GRIN2B: variants seen among roughly 807,000 people sequenced by gnomAD.
The protein encoded by GRIN2B is glutamate receptor ionotropic, NMDA 2B.
Under a neutral mutation model 114.5 loss-of-function variants are expected in GRIN2B, and 5 were observed. The observed-to-expected ratio is 0.04, with a 90% CI of 0.02 to 0.09. The LOEUF is 0.09. GRIN2B is among the 10% of genes least tolerant of loss of function. The probability of loss-of-function intolerance (pLI) is 1.00; values close to 1 mark genes in which losing one functional copy is unlikely to be tolerated. For missense variants in GRIN2B, 1,108 were observed against 1,943.5 expected (o/e 0.57, Z 8.08); for synonymous variants, 787 against 745.1 (o/e 1.06, Z -0.92).
chr12:13,797,687 G>C (rs1864440997), intron 3 of GRIN2B, among the ~76,000 whole-genome samples: 1 of 152,172 alleles, frequency 6.6e-6, no homozygotes, highest in Non-Finnish European at 1.5e-5. Context: ...AATTCAGCAA[G>C]AGTTTCATGA....
chr12:13,923,097 T>C (rs867980660), intron 2 of GRIN2B, among the ~76,000 whole-genome samples: 3 of 152,150 alleles, frequency 2.0e-5, no homozygotes, highest in African/African-American at 7.2e-5. Flanking sequence ...TCTTTTTTTT[T>C]CCTGAAATTA....
rs374699448 is a variant in GRIN2B, at chr12:13,953,613, G to A, written c.-19+26315C>T. ...GAGATGGTGGGGGTGCTGGAGAGAG[G>A]AGAAGCTACAATATATCTCCCCCTT... On this transcript the variant is annotated intron_variant, in intron 2 of 13. Coordinates refer to ENST00000609686, the MANE Select transcript of GRIN2B (RefSeq NM_000834.5). Among the ~76,000 whole-genome samples the A allele has an allele frequency of 2.1e-4, 32 of 152,288 alleles. No individual in the cohort carries two copies. In the East Asian group the frequency reaches 5.8e-3, roughly 28 times the overall value.
intron 3 of GRIN2B, among the ~76,000 whole-genome samples, chr12:13,853,949 T>G (rs551895409): frequency 2.6e-5 from 4 of 152,364 alleles, no homozygotes; most frequent in South Asian, 2.1e-4. Flanking sequence ...ACCTAGTCCT[T>G]GCCCTTGCAA....
intron 10 of GRIN2B, among the ~76,000 whole-genome samples, chr12:13,596,029 G>GAA (rs552457574): frequency 3.7e-4 from 50 of 136,982 alleles, no homozygotes; most frequent in Non-Finnish European, 7.0e-4. Context: ...TTTTCTGTAA[G>GAA]AAAAAAAAAA....
chr12:13,558,795 A>G lies in GRIN2B; in HGVS notation c.*3988T>C, dbSNP rs375999725. 1 of 149,314 alleles carries G rather than the reference A, an allele frequency of 6.7e-6. No homozygotes were observed. The highest frequency in any genetic ancestry group is 2.1e-4 in the South Asian group (1 of 4,830). 9.2% of individuals were successfully genotyped at this position (149,314 alleles called of 1,614,324 possible). A position where few individuals can be genotyped will look rare whatever the true frequency, so the allele number is the denominator to read the frequency against. ...AGGATACACAGTGACAGATTTTGAA[A>G]TAACAAAGTCCACTGTACATGCATC... On this transcript the variant is annotated 3_prime_UTR_variant, in exon 14 of 14. Transcript: ENST00000609686.
intron 3 of GRIN2B, among the ~76,000 whole-genome samples, chr12:13,844,922 T>C (rs943541158): frequency 2.0e-5 from 3 of 152,220 alleles, no homozygotes; most frequent in African/African-American, 7.2e-5. Flanking sequence ...TCCTTCCTGT[T>C]CTCTCTTCCA....
intron 2 of GRIN2B, among the ~76,000 whole-genome samples, chr12:13,934,214 G>C (rs1867088440): frequency 6.6e-6 from 1 of 152,160 alleles, no homozygotes; most frequent in Non-Finnish European, 1.5e-5. Flanking sequence ...GCCTACCCAT[G>C]CTCTTCCTCT....
chr12:13,959,796 A>G (rs1333708497), intron 2 of GRIN2B, among the ~76,000 whole-genome samples: 1 of 124,300 alleles, frequency 8.0e-6, no homozygotes, highest in African/African-American at 3.1e-5. Flanking sequence ...GGTCTTCACC[A>G]TTTCCAATAT....
intron 3 of GRIN2B, 151 bp downstream of exon 3, chr12:13,865,647 A>G (rs74837716): frequency 6.6e-6 from 5 of 755,908 alleles, no homozygotes; most frequent in South Asian, 2.8e-5. Flanking sequence ...AGAGAGAGAG[A>G]AAAAAAAAGG....
intron 4 of GRIN2B, among the ~76,000 whole-genome samples, chr12:13,739,370 GTC>G (rs1863238686): frequency 1.9e-5 from 1 of 53,414 alleles, no homozygotes; most frequent in African/African-American, 8.0e-5. Flanking sequence ...GTGAAACTCC[GTC>G]TCAAAAAAAA....
At chr12:13,758,653 A>G (rs1863622234) in intron 3 of GRIN2B, among the ~76,000 whole-genome samples, 1 of 152,232 alleles carries the variant, frequency 6.6e-6, no homozygotes, top group Non-Finnish European at 1.5e-5. Context: ...TTGCCAGTAC[A>G]TGGGCTGGAA....
chr12:13,836,160 C>T (rs1865260678), intron 3 of GRIN2B, among the ~76,000 whole-genome samples: 1 of 152,186 alleles, frequency 6.6e-6, no homozygotes, highest in African/African-American at 2.4e-5. Flanking sequence ...GCTGCCAGCC[C>T]AGTACTCCTC....
At chr12:13,825,497 TGTGTGTGTGTGTGTG>T (rs1865019049) in intron 3 of GRIN2B, among the ~76,000 whole-genome samples, 1 of 2,632 alleles carries the variant, frequency 3.8e-4, no homozygotes, top group African/African-American at 1.2e-3. Context: ...ATATATATTT[TGTGTGTGTGTGTGTG>T]TGTGTGTGTG....
At chr12:13,976,909 G>A (rs945157073) in intron 2 of GRIN2B, among the ~76,000 whole-genome samples, 3 of 152,080 alleles carry the variant, frequency 2.0e-5, no homozygotes, top group Non-Finnish European at 4.4e-5. Context: ...CATTCCACCA[G>A]CCAATTTCAG....
chr12:13,909,751 C>T (rs1331985128), intron 2 of GRIN2B, among the ~76,000 whole-genome samples: 2 of 152,038 alleles, frequency 1.3e-5, no homozygotes, highest in African/African-American at 2.4e-5. Flanking sequence ...GTAAATGTGA[C>T]GAGGAAGTAA....
At chr12:13,628,070 T>G (rs187464433) in intron 5 of GRIN2B, among the ~76,000 whole-genome samples, 11 of 152,284 alleles carry the variant, frequency 7.2e-5, no homozygotes, top group African/African-American at 2.6e-4. Flanking sequence ...CCACAAATAT[T>G]AATATTATGT....
At chr12:13,765,176 A>T (rs1863758269) in intron 3 of GRIN2B, among the ~76,000 whole-genome samples, 1 of 152,236 alleles carries the variant, frequency 6.6e-6, no homozygotes, top group African/African-American at 2.4e-5. Context: ...ATCTTTTATA[A>T]GCACAGATGA....
chr12:13,547,981 A>ATATATATATATATATATATATTTTTTT lies in GRIN2B; in HGVS notation c.*14801_*14802insAAAAAAATATATATATATATATATATA. 2 of 68,578 alleles carry ATATATATATATATATATATATTTTTTT rather than the reference A, an allele frequency of 2.9e-5. No homozygotes were observed. Among genetic ancestry groups the ATATATATATATATATATATATTTTTTT allele is most frequent in the Non-Finnish European group, 5.8e-5 (2 of 34,410 alleles). 4.2% of individuals were successfully genotyped at this position (68,578 alleles called of 1,614,324 possible). Reference sequence around the variant, plus strand: ...TGTGTATATATATATATATATATATATTTTTTTTTTTTTTCTGAAAGCTAC... The same window carrying ATATATATATATATATATATATTTTTTT: ...TGTGTATATATATATATATATATATATATATATATATATATATATATTTTTTTTTTTTTTTTTTTTTCTGAAAGCTAC... On this transcript the variant is annotated 3_prime_UTR_variant, in exon 14 of 14. Transcript: ENST00000609686.
intron 3 of GRIN2B, among the ~76,000 whole-genome samples, chr12:13,826,420 G>A (rs766908484): frequency 1.1e-4 from 17 of 152,056 alleles, no homozygotes; most frequent in South Asian, 2.1e-4. Context: ...GCGGTGAGCC[G>A]AGATCATGCT....
Sources: gnomAD v4.1 joint callset for allele counts (sites outside exome capture counted in the v4.1 genomes callset) on GRCh38, gnomAD v4.1.1 for gene constraint, MANE v1.5 for transcripts, NCBI Gene and HGNC (gene_info 2026-07-23, HGNC 2026-07-21) for gene names.